The following ADD3 variants were observed in gnomAD, a reference collection of about 807,000 sequenced individuals.
The protein encoded by ADD3 is adducin 3.
In ADD3, 25 loss-of-function variants were observed where a neutral mutation model predicts 80.2. The ratio of observed to expected loss-of-function variants is 0.31; its 90% CI spans 0.23 to 0.44. ADD3 has a LOEUF of 0.44. ADD3 is among the 20% of genes least tolerant of loss of function. The pLI, the probability that ADD3 is intolerant of heterozygous loss-of-function variation, is 1.00. For missense variants in ADD3, 829 were observed against 847.5 expected (o/e 0.98, Z 0.27); for synonymous variants, 284 against 289.6 (o/e 0.98, Z 0.20).
intron 3 of ADD3, 131 bp downstream of exon 3, chr10:110,113,046 G>T (rs898207912): frequency 4.1e-5 from 38 of 932,940 alleles, no homozygotes; most frequent in African/African-American, 6.6e-5. Flanking sequence ...GAGTAACATA[G>T]TGTTAGACCC....
At chr10:110,117,468 C>A in intron 5 of ADD3, 46 bp downstream of exon 5, 1 of 1,170,928 alleles carries the variant, frequency 8.5e-7, no homozygotes, top group Non-Finnish European at 1.3e-6. Context: ...CTTTCTTTGG[C>A]TTTTCTGACA....
At chr10:110,110,540 A>G (rs1314548019) in intron 2 of ADD3, among the ~76,000 whole-genome samples, 1 of 152,174 alleles carries the variant, frequency 6.6e-6, no homozygotes. Context: ...CAAGATTACA[A>G]CTATTAGCAC....
chr10:110,002,748 G>A (rs1389482147), upstream of ADD3, among the ~76,000 whole-genome samples: 1 of 152,062 alleles, frequency 6.6e-6, no homozygotes, highest in African/African-American at 2.4e-5. Flanking sequence ...TAAAAAAAAA[G>A]AGGACCCTAA....
At chr10:110,090,188 T>G (rs1445525616) in intron 1 of ADD3, among the ~76,000 whole-genome samples, 1 of 151,860 alleles carries the variant, frequency 6.6e-6, no homozygotes, top group Non-Finnish European at 1.5e-5. Flanking sequence ...GTTGAATGAT[T>G]ATGTTGATAT....
intron 3 of ADD3, among the ~76,000 whole-genome samples, chr10:110,114,247 T>G (rs1349293204): frequency 6.6e-6 from 1 of 152,200 alleles, no homozygotes; most frequent in African/African-American, 2.4e-5. Flanking sequence ...ACGGGGAGAA[T>G]AGAAGACAGG....
chr10:110,070,679 G>A (rs1378804634), intron 1 of ADD3, among the ~76,000 whole-genome samples: 2 of 152,068 alleles, frequency 1.3e-5, no homozygotes, highest in Non-Finnish European at 2.9e-5. Context: ...ATCAACCATT[G>A]AGTGGAAAAA....
At chr10:110,066,541 G>A (rs1423459914) in intron 1 of ADD3, among the ~76,000 whole-genome samples, 1 of 152,044 alleles carries the variant, frequency 6.6e-6, no homozygotes, top group Non-Finnish European at 1.5e-5. Context: ...CCCTTGATTA[G>A]GGTTTTTAAT....
intron 1 of ADD3, among the ~76,000 whole-genome samples, chr10:110,063,317 T>A (rs1390769233): frequency 1.3e-5 from 2 of 152,158 alleles, no homozygotes; most frequent in African/African-American, 2.4e-5. Context: ...ATTATATTGT[T>A]GAGGTGGAGA....
At chr10:110,009,104 C>T (rs372294487) in intron 1 of ADD3, among the ~76,000 whole-genome samples, 1 of 152,056 alleles carries the variant, frequency 6.6e-6, no homozygotes, top group Non-Finnish European at 1.5e-5. Flanking sequence ...AAGTAGGTGC[C>T]GGTTGAAAAT....
Position 110,124,083 on chromosome 10 carries a change from G to T in ADD3, c.1210G>T (p.Val404Leu). The part of the protein sequence containing the change: ...IREKPRHKSD[V>L]EIPATVTAFS... ...AGAGAAGCCTAGGCACAAGAGTGAT[G>T]TGGAAATCCCAGCAACTGTGACTGC... The change falls in exon 10 of 15, where the codon GTG becomes TTG. Residue 404 changes from valine (V) to leucine (L), a missense_variant. Coordinates refer to ENST00000356080, the MANE Select transcript of ADD3 (RefSeq NM_016824.5). The T allele has an allele frequency of 6.2e-7, 1 of 1,614,192 alleles. No homozygotes were observed. The highest frequency in any genetic ancestry group is 2.2e-5 in the East Asian group (1 of 44,888).
chr10:110,007,544 C>T (rs980149245), upstream of ADD3, among the ~76,000 whole-genome samples: 1 of 152,134 alleles, frequency 6.6e-6, no homozygotes, highest in Non-Finnish European at 1.5e-5. Flanking sequence ...CCTTCGCGGT[C>T]GGGTTTCTAT....
intron 14 of ADD3, 22 bp downstream of exon 14, chr10:110,132,422 A>G (rs1283308310): frequency 1.3e-6 from 2 of 1,511,772 alleles, no homozygotes; most frequent in Non-Finnish European, 9.2e-7. Flanking sequence ...AATTTCCCAC[A>G]TAGCATTCAC....
chr10:110,117,898 C>A (rs1850959828), intron 5 of ADD3, among the ~76,000 whole-genome samples: 1 of 152,128 alleles, frequency 6.6e-6, no homozygotes, highest in Middle Eastern at 3.4e-3. Context: ...CACCTGTAAT[C>A]CCGGCTACTC....
chr10:110,006,316 A>G (rs1851631056), upstream of ADD3, among the ~76,000 whole-genome samples: 2 of 152,222 alleles, frequency 1.3e-5, no homozygotes, highest in Non-Finnish European at 1.5e-5. Flanking sequence ...AGTGAGGACT[A>G]TATTCTGATA....
intron 1 of ADD3, among the ~76,000 whole-genome samples, chr10:110,079,771 C>T (rs1845857434): frequency 6.6e-6 from 1 of 152,068 alleles, no homozygotes; most frequent in Admixed American, 6.5e-5. Context: ...AAACTCCTGA[C>T]CTCAAGTGAT....
chr10:110,007,479 G>T (rs958077176), upstream of ADD3, among the ~76,000 whole-genome samples: 1 of 152,250 alleles, frequency 6.6e-6, no homozygotes, highest in Admixed American at 6.5e-5. Context: ...TCGGGAGTAG[G>T]AGTAGGGGGC....
In ADD3 at chr10:110,134,330, CAA is replaced by C. The variant is rs34106955; in HGVS notation, c.*728_*729del. On this transcript the variant is annotated 3_prime_UTR_variant, in exon 15 of 15. Transcript: ENST00000356080. Reference sequence around the variant, plus strand: ...CATGGGTTATTTAGTTTAACTCTGGCAAAAAAAAAAAAAAAAATTTTGTATGT... The same window carrying C: ...CATGGGTTATTTAGTTTAACTCTGGCAAAAAAAAAAAAAAATTTTGTATGT... The C allele has an allele frequency of 2.3e-3, 318 of 137,286 alleles. No individual in the cohort carries two copies. The highest frequency in any genetic ancestry group is 3.1e-3 in the East Asian group (15 of 4,904). The allele number at this position is 137,286 out of a possible 1,614,324, so 8.5% of individuals were successfully genotyped here. A position where few individuals can be genotyped will look rare whatever the true frequency, so the allele number is the denominator to read the frequency against.
At chr10:110,130,818 T>C (rs1852869071) in intron 13 of ADD3, among the ~76,000 whole-genome samples, 1 of 149,178 alleles carries the variant, frequency 6.7e-6, no homozygotes, top group African/African-American at 2.5e-5. Context: ...ATCGCACCAC[T>C]GCACTGCAGC....
At chr10:110,066,272 C>G (rs554322812) in intron 1 of ADD3, among the ~76,000 whole-genome samples, 3 of 152,312 alleles carry the variant, frequency 2.0e-5, no homozygotes, top group African/African-American at 7.2e-5. Flanking sequence ...GAGAGTCTCT[C>G]TCTGTCGCCC....
Sources: allele counts gnomAD v4.1 joint callset (sites outside exome capture counted in the v4.1 genomes callset), GRCh38; gene constraint gnomAD v4.1.1; transcripts MANE v1.5; gene names NCBI Gene and HGNC (gene_info 2026-07-23, HGNC 2026-07-21).